The following TMEM108 variants were observed in gnomAD, a reference collection of about 807,000 sequenced individuals.
TMEM108 encodes cancer/testis antigen 124.
TMEM108 carries 12 observed loss-of-function variants against 35.1 expected under a neutral mutation model. The ratio of observed to expected loss-of-function variants is 0.34; its 90% CI spans 0.22 to 0.55. The LOEUF (loss-of-function observed/expected upper bound fraction) is 0.55. Ranked by LOEUF, TMEM108 falls within the 20% of genes least tolerant of loss-of-function variation. TMEM108 has a pLI of 0.89. For synonymous variants in TMEM108, 287 were observed against 308.6 expected, an observed-to-expected ratio of 0.93 and a Z score of 0.73; for missense variants, 680 against 753.3, an observed-to-expected ratio of 0.90 and a Z score of 1.14.
intron 4 of TMEM108, chr3:133,389,389 G>C: frequency 1.0e-6 from 1 of 985,526 alleles, no homozygotes; most frequent in African/African-American, 1.7e-5. Flanking sequence ...GCTGGTAAGA[G>C]CATAGACTGG....
At chr3:133,350,808 T>C (rs1261215506) in intron 3 of TMEM108, among the ~76,000 whole-genome samples, 1 of 152,052 alleles carries the variant, frequency 6.6e-6, no homozygotes, top group African/African-American at 2.4e-5. Context: ...AAGCATTGTA[T>C]ACAAAAATAG....
At chr3:133,328,062 T>C (rs1208181627) in intron 3 of TMEM108, among the ~76,000 whole-genome samples, 1 of 152,196 alleles carries the variant, frequency 6.6e-6, no homozygotes, top group Non-Finnish European at 1.5e-5. Flanking sequence ...CATTCATCTG[T>C]CTCTGATCTC....
At chr3:133,303,346 G>A (rs1947257968) in intron 3 of TMEM108, 1 of 152,160 alleles carries the variant, frequency 6.6e-6, no homozygotes. Flanking sequence ...GGGTAAGTGG[G>A]TAAGTTTGGA....
intron 2 of TMEM108, among the ~76,000 whole-genome samples, chr3:133,171,364 A>G (rs999528893): frequency 6.6e-6 from 1 of 152,186 alleles, no homozygotes; most frequent in Non-Finnish European, 1.5e-5. Context: ...CCTACTGTGG[A>G]ATATAAAGCA....
chr3:133,162,429 T>A (rs2107780279), intron 2 of TMEM108, among the ~76,000 whole-genome samples: 1 of 152,300 alleles, frequency 6.6e-6, no homozygotes, highest in Non-Finnish European at 1.5e-5. Context: ...CAGACCAAGA[T>A]GAAAAATGCT....
At chr3:133,106,888 C>A (rs965635169) in intron 2 of TMEM108, among the ~76,000 whole-genome samples, 5 of 152,176 alleles carry the variant, frequency 3.3e-5, no homozygotes, top group African/African-American at 7.2e-5. Flanking sequence ...AGAATCCTAA[C>A]CTGCAGAAAC....
chr3:133,311,126 C>T lies in TMEM108; in HGVS notation c.41-68626C>T, dbSNP rs901501416. On this transcript the variant is annotated intron_variant, in intron 3 of 5. Transcript: ENST00000321871. ...CTGATGGGCTTCCCTTTGTGGGTAA[C>T]CTTATCTGGCTGCCCTTCACATTTT... Among the ~76,000 whole-genome samples the T allele has an allele frequency of 2.0e-5, 3 of 151,904 alleles. No homozygotes were observed. In the South Asian group the frequency reaches 6.2e-4, roughly 32 times the overall value.
At chr3:133,306,899 G>T (rs1051461499) in intron 3 of TMEM108, among the ~76,000 whole-genome samples, 1 of 151,996 alleles carries the variant, frequency 6.6e-6, no homozygotes, top group South Asian at 2.1e-4. Flanking sequence ...TAATGAAATC[G>T]CTGGGTCAAA....
intron 2 of TMEM108, among the ~76,000 whole-genome samples, chr3:133,083,967 C>T (rs991446002): frequency 1.3e-5 from 2 of 152,054 alleles, no homozygotes; most frequent in African/African-American, 4.8e-5. Context: ...TTTCTTAAGA[C>T]ACTGAAGATG....
At chr3:133,280,955 T>G (rs1946903603) in intron 3 of TMEM108, among the ~76,000 whole-genome samples, 1 of 152,200 alleles carries the variant, frequency 6.6e-6, no homozygotes, top group Admixed American at 6.5e-5. Context: ...GGTCCAACCT[T>G]AAAGCTTTCA....
At chr3:133,375,108 C>T (rs555110720) in intron 3 of TMEM108, among the ~76,000 whole-genome samples, 2 of 152,352 alleles carry the variant, frequency 1.3e-5, no homozygotes, top group Admixed American at 1.3e-4. Context: ...TATGTCAGTA[C>T]AGGCTTAGCC....
At chr3:133,152,646 T>C (rs78798420) in intron 2 of TMEM108, among the ~76,000 whole-genome samples, 4,406 of 152,182 alleles carry the variant, frequency 0.029, 224 homozygotes, top group African/African-American at 0.1. Context: ...AATGAGAATA[T>C]AACTCTTAGA....
rs996877157 is a variant in TMEM108 at position 133,347,534 on chromosome 3, T to G, written c.41-32218T>G. ...TCCAGTATTTTTTGTTGTTGTTGTT[T>G]TTTGTCAGTTCTCTGAGATTTTCTA... On this transcript the variant is annotated intron_variant, in intron 3 of 5. Coordinates refer to ENST00000321871, the MANE Select transcript of TMEM108 (RefSeq NM_023943.4). 2.6e-5 allele frequency among the ~76,000 whole-genome samples: 4 copies of G among 152,092 alleles called. No individual in the cohort carries two copies. The South Asian group carries it at 6.2e-4, about 24-fold the overall frequency.
chr3:133,360,674 G>C (rs1189022425), intron 3 of TMEM108, among the ~76,000 whole-genome samples: 2 of 152,164 alleles, frequency 1.3e-5, no homozygotes, highest in Non-Finnish European at 2.9e-5. Context: ...CACTTTTTGT[G>C]CGCTGTCTCT....
intron 2 of TMEM108, among the ~76,000 whole-genome samples, chr3:133,112,430 T>C (rs1316525796): frequency 6.6e-6 from 1 of 152,200 alleles, no homozygotes; most frequent in Non-Finnish European, 1.5e-5. Context: ...TAAAAACCTG[T>C]GACAACGGTT....
At chr3:133,362,706 T>C (rs1331682002) in intron 3 of TMEM108, among the ~76,000 whole-genome samples, 2 of 152,160 alleles carry the variant, frequency 1.3e-5, no homozygotes, top group Non-Finnish European at 2.9e-5. Flanking sequence ...AGGAAGCAGC[T>C]CTATTTAGAG....
chr3:133,288,911 T>G (rs1358593390), intron 3 of TMEM108, among the ~76,000 whole-genome samples: 2 of 152,014 alleles, frequency 1.3e-5, no homozygotes, highest in African/African-American at 4.8e-5. Context: ...AATTTTTGTG[T>G]TTTTAGTAGA....
intron 3 of TMEM108, among the ~76,000 whole-genome samples, chr3:133,271,562 C>T (rs903844238): frequency 2.0e-5 from 3 of 152,100 alleles, no homozygotes; most frequent in Non-Finnish European, 4.4e-5. Flanking sequence ...ATGCTGTTCA[C>T]GAGAGAGAAA....
chr3:133,359,126 C>G (rs781364989), intron 3 of TMEM108, among the ~76,000 whole-genome samples: 3 of 152,332 alleles, frequency 2.0e-5, no homozygotes, highest in Non-Finnish European at 2.9e-5. Flanking sequence ...TGTTTACTAT[C>G]TGATCATTTA....
Sources: gnomAD v4.1 joint callset for allele counts (sites outside exome capture counted in the v4.1 genomes callset) on GRCh38, gnomAD v4.1.1 for gene constraint, MANE v1.5 for transcripts, NCBI Gene and HGNC (gene_info 2026-07-23, HGNC 2026-07-21) for gene names.